The following AP1S3 variants were observed in gnomAD, a reference collection of about 807,000 sequenced individuals.
The protein encoded by AP1S3 is AP-1 complex subunit sigma-3.
Under a neutral mutation model 20.9 loss-of-function variants are expected in AP1S3, and 10 were observed. The ratio of observed to expected loss-of-function variants is 0.48; its 90% CI spans 0.29 to 0.81. The LOEUF is 0.81. AP1S3 is among the 30% of genes least tolerant of loss of function. The probability of loss-of-function intolerance (pLI) is 0.08; values close to 1 mark genes in which losing one functional copy is unlikely to be tolerated. For synonymous variants in AP1S3, 41 were observed against 61.5 expected (o/e 0.67, Z 1.56); for missense variants, 154 against 183.8 (o/e 0.84, Z 0.94).
In AP1S3 at chr2:223,756,645, A is replaced by G; in HGVS notation, c.*2070T>C. ...AGAAATATTGGATAGTAAAAGCCTA[A>G]TGATTATTTTATATGCTAATCTGAG... On this transcript the variant is annotated 3_prime_UTR_variant, in exon 5 of 5. Coordinates refer to ENST00000396654, the MANE Select transcript of AP1S3 (RefSeq NM_001039569.2). 1.0e-6 allele frequency: 1 copy of G among 985,378 alleles called. No homozygotes were observed. The highest frequency in any genetic ancestry group is 1.2e-6 in the Non-Finnish European group (1 of 829,844). 61.0% of individuals were successfully genotyped at this position (985,378 alleles called of 1,614,324 possible). A position where few individuals can be genotyped will look rare whatever the true frequency, so the allele number is the denominator to read the frequency against.
intron 4 of AP1S3, among the ~76,000 whole-genome samples, chr2:223,762,019 C>A (rs1690365889): frequency 2.0e-5 from 3 of 152,104 alleles, no homozygotes; most frequent in Admixed American, 2.0e-4. Context: ...GCCGCCCAGG[C>A]TAGAGTGCAG....
intron 1 of AP1S3, among the ~76,000 whole-genome samples, chr2:223,813,864 G>A (rs1182994451): frequency 6.6e-6 from 1 of 152,132 alleles, no homozygotes; most frequent in East Asian, 1.9e-4. Flanking sequence ...AAACCCCAAT[G>A]AGGCCAAAAG....
At chr2:223,784,310 T>C (rs1021890204) in intron 1 of AP1S3, among the ~76,000 whole-genome samples, 12 of 152,034 alleles carry the variant, frequency 7.9e-5, no homozygotes, top group Non-Finnish European at 1.8e-4. Context: ...CCAGTCTCCA[T>C]CCTCACTCCC....
chr2:223,823,748 T>TCA (rs201084408), intron 1 of AP1S3, among the ~76,000 whole-genome samples: 1 of 151,924 alleles, frequency 6.6e-6, no homozygotes, highest in African/African-American at 2.4e-5. Context: ...TGTGTTCTCA[T>TCA]CACACACACA....
chr2:223,806,760 TTC>T (rs1691592704), intron 1 of AP1S3, among the ~76,000 whole-genome samples: 1 of 152,126 alleles, frequency 6.6e-6, no homozygotes, highest in African/African-American at 2.4e-5. Context: ...ATCATAAACT[TTC>T]TTTTTGAGGT....
At position 223,780,351 on chromosome 2, in the gene AP1S3, A is replaced by AGTGT. The variant is rs1416516684; in HGVS notation, c.4-2483_4-2482insACAC. Among the ~76,000 whole-genome samples the AGTGT allele has an allele frequency of 5.5e-3, 344 of 62,138 alleles. 3 individuals are homozygous for AGTGT. Among genetic ancestry groups the AGTGT allele is most frequent in the East Asian group, 0.013 (21 of 1,646 alleles). The allele number at this position is 62,138 out of a possible 152,430, so 40.8% of individuals were successfully genotyped here. On this transcript the variant is annotated intron_variant, in intron 1 of 4. Coordinates refer to ENST00000396654, the MANE Select transcript of AP1S3 (RefSeq NM_001039569.2). ...GAGAGAGAGAGAGAGAGAGAGAGAG[A>AGTGT]GAGAGAGTGTGTGTGTGTGTGTGTG...
intron 1 of AP1S3, among the ~76,000 whole-genome samples, chr2:223,804,426 T>C (rs922149364): frequency 2.0e-5 from 3 of 152,160 alleles, no homozygotes. Flanking sequence ...CAGCCCAGTA[T>C]GGTGGCTCAT....
intron 1 of AP1S3, among the ~76,000 whole-genome samples, chr2:223,805,690 G>C (rs1236095372): frequency 6.6e-6 from 1 of 152,106 alleles, no homozygotes; most frequent in African/African-American, 2.4e-5. Flanking sequence ...ACGTCTTAAC[G>C]TGTTTTGAAA....
chr2:223,785,783 G>A (rs1691058086), intron 1 of AP1S3, among the ~76,000 whole-genome samples: 2 of 152,158 alleles, frequency 1.3e-5, no homozygotes, highest in South Asian at 4.1e-4. Context: ...GGAGGACAGA[G>A]GATTTTAGGG....
Position 223,757,925 on chromosome 2 carries a change from T to C in AP1S3, c.*790A>G, listed in dbSNP as rs777563617. Reference sequence around the variant, plus strand: ...AATAATTATTATTGCTATTAATTCTTATCATACTATTTTAGAATAATAAAG... The same window carrying C: ...AATAATTATTATTGCTATTAATTCTCATCATACTATTTTAGAATAATAAAG... On this transcript the variant is annotated 3_prime_UTR_variant, in exon 5 of 5. Coordinates refer to ENST00000396654, the MANE Select transcript of AP1S3 (RefSeq NM_001039569.2). 3.5e-4 allele frequency: 337 copies of C among 972,632 alleles called. No homozygotes were observed. The highest frequency in any genetic ancestry group is 5.3e-4 in the Middle Eastern group (1 of 1,894). The allele number at this position is 972,632 out of a possible 1,614,324, so 60.3% of individuals were successfully genotyped here. A position where few individuals can be genotyped will look rare whatever the true frequency, so the allele number is the denominator to read the frequency against.
chr2:223,759,057 G>A (rs1690290222), intron 4 of AP1S3, among the ~76,000 whole-genome samples: 2 of 152,154 alleles, frequency 1.3e-5, no homozygotes, highest in African/African-American at 4.8e-5. Context: ...ACTTTGGGAG[G>A]CTGAGGTGGG....
intron 1 of AP1S3, among the ~76,000 whole-genome samples, chr2:223,796,134 T>C (rs1574709143): frequency 6.6e-6 from 1 of 151,960 alleles, no homozygotes; most frequent in African/African-American, 2.4e-5. Flanking sequence ...GATCGCATCA[T>C]TGCACTCCAG....
chr2:223,804,177 G>A (rs565619670), intron 1 of AP1S3, among the ~76,000 whole-genome samples: 7 of 152,028 alleles, frequency 4.6e-5, no homozygotes, highest in Non-Finnish European at 7.4e-5. Flanking sequence ...TTAAATTTAG[G>A]TCCTACCCCT....
At chr2:223,828,739 A>G (rs1692190901) in intron 1 of AP1S3, among the ~76,000 whole-genome samples, 1 of 152,204 alleles carries the variant, frequency 6.6e-6, no homozygotes, top group Non-Finnish European at 1.5e-5. Flanking sequence ...GGGTCATTAC[A>G]TGGAGAAGCC....
rs367696375 is a variant in AP1S3 at position 223,825,715 on chromosome 2, G to A, written c.3+11733C>T. Among the ~76,000 whole-genome samples the A allele has an allele frequency of 9.2e-5, 14 of 152,050 alleles. No individual in the cohort carries two copies. The East Asian group carries it at 1.4e-3, about 15-fold the overall frequency. ...TTTTTTCCTATTAATAATAACCACTGCAGTTAAGAACACAAAGATTGCCGG... is the reference window on the plus strand; with the variant it reads ...TTTTTTCCTATTAATAATAACCACTACAGTTAAGAACACAAAGATTGCCGG... On this transcript the variant is annotated intron_variant, in intron 1 of 4. Transcript: ENST00000396654.
intron 1 of AP1S3, among the ~76,000 whole-genome samples, chr2:223,813,732 C>A (rs984133216): frequency 6.6e-6 from 1 of 152,156 alleles, no homozygotes; most frequent in African/African-American, 2.4e-5. Flanking sequence ...CAAAGACAAA[C>A]AAATCATCCT....
At position 223,765,360 on chromosome 2, in the gene AP1S3, CAA is replaced by C. The variant is rs773200040; in HGVS notation, c.292-12_292-11del. 7 of 1,594,938 alleles carry C rather than the reference CAA, an allele frequency of 4.4e-6. No homozygotes were observed. In the South Asian group the frequency reaches 8.0e-5, roughly 18 times the overall value. ...TATCCAGCTCACAGACCTGGTGGGA[CAA>C]AAACAAACGTTTTGATAAACTTGCA... On this transcript the variant is annotated splice_polypyrimidine_tract_variant and intron_variant, in intron 3 of 4. Coordinates refer to ENST00000396654, the MANE Select transcript of AP1S3 (RefSeq NM_001039569.2).
intron 1 of AP1S3, among the ~76,000 whole-genome samples, chr2:223,822,917 T>C (rs1001691638): frequency 2.0e-5 from 3 of 149,692 alleles, no homozygotes; most frequent in Non-Finnish European, 4.4e-5. Context: ...TGAAAAAAAA[T>C]GGGCAAAGAA....
intron 1 of AP1S3, among the ~76,000 whole-genome samples, chr2:223,787,966 C>CT (rs11415079): frequency 0.12 from 17,921 of 151,738 alleles, 1,358 homozygotes; most frequent in East Asian, 0.25. Flanking sequence ...TGCCACAGTT[C>CT]TTTTTTTTGG....
Sources: gnomAD v4.1 joint callset for allele counts (sites outside exome capture counted in the v4.1 genomes callset) on GRCh38, gnomAD v4.1.1 for gene constraint, MANE v1.5 for transcripts, NCBI Gene and HGNC (gene_info 2026-07-23, HGNC 2026-07-21) for gene names.